NRG3: variants seen among roughly 807,000 people sequenced by gnomAD.
NRG3 encodes the protein pro-neuregulin-3, membrane-bound isoform.
Under a neutral mutation model 66.9 loss-of-function variants are expected in NRG3, and 31 were observed. The observed-to-expected ratio is 0.46, with a 90% confidence interval of 0.35 to 0.63. NRG3 has a LOEUF of 0.63. Among genes scored for constraint, NRG3 ranks in the 20% least tolerant of loss-of-function variants. The pLI, the probability that NRG3 is intolerant of heterozygous loss-of-function variation, is 0.00. For synonymous variants in NRG3, 393 were observed against 359.4 expected (o/e 1.09, Z -1.06); for missense variants, 910 against 878.9 (o/e 1.04, Z -0.45).
Position 82,985,206 on chromosome 10 carries a change from G to A in NRG3, c.1692G>A (p.Val564=). The change falls in exon 9 of 9, where the codon GTG becomes GTA. Residue 564 remains valine (V), a synonymous_variant. Transcript: ENST00000372141. The part of the protein sequence containing the change: ...YFNSLEQKDL[V]GYSSTRASSV... ...ATAGCTTGGAGCAAAAGGACCTGGT[G>A]GGCTATTCATCCACAAGGGCCAGTT... is the stretch of plus-strand genomic sequence containing the variant. 6.2e-7 allele frequency: 1 copy of A among 1,614,126 alleles called. No individual in the cohort carries two copies. The highest frequency in any genetic ancestry group is 2.2e-5 in the East Asian group (1 of 44,872).
At chr10:82,936,693 T>C (rs1393395586) in intron 4 of NRG3, among the ~76,000 whole-genome samples, 3 of 152,182 alleles carry the variant, frequency 2.0e-5, no homozygotes, top group African/African-American at 7.2e-5. Flanking sequence ...GTATATATAC[T>C]TCAAAACATT....
At chr10:82,088,184 A>G (rs1408085426) in intron 1 of NRG3, among the ~76,000 whole-genome samples, 1 of 152,046 alleles carries the variant, frequency 6.6e-6, no homozygotes, top group Non-Finnish European at 1.5e-5. Flanking sequence ...TTTCTTTTAC[A>G]TCTTTTTCTT....
At chr10:82,025,579 T>A (rs773975794) in intron 1 of NRG3, among the ~76,000 whole-genome samples, 14 of 152,094 alleles carry the variant, frequency 9.2e-5, no homozygotes, top group Non-Finnish European at 1.8e-4. Flanking sequence ...CCAGGAAGTT[T>A]GTATTTTCCA....
intron 3 of NRG3, among the ~76,000 whole-genome samples, chr10:82,849,111 C>T (rs766386296): frequency 1.3e-4 from 20 of 152,008 alleles, no homozygotes; most frequent in African/African-American, 3.1e-4. Flanking sequence ...TTAGCATGGG[C>T]GCTAATCGAA....
intron 1 of NRG3, among the ~76,000 whole-genome samples, chr10:82,205,514 T>A (rs1330797315): frequency 6.6e-6 from 1 of 152,052 alleles, no homozygotes; most frequent in African/African-American, 2.4e-5. Context: ...GGTATATGAA[T>A]CAGGACAATA....
At chr10:82,257,973 G>A (rs2077821668) in intron 1 of NRG3, among the ~76,000 whole-genome samples, 1 of 152,116 alleles carries the variant, frequency 6.6e-6, no homozygotes. Context: ...CTTGGTGTCT[G>A]CATCTTGCAT....
chr10:82,333,787 T>A (rs2135303518), intron 1 of NRG3, among the ~76,000 whole-genome samples: 1 of 152,164 alleles, frequency 6.6e-6, no homozygotes, highest in South Asian at 2.1e-4. Context: ...TCTTTTCTCA[T>A]GGAAAAATGT....
chr10:82,521,672 G>A (rs1846204038), intron 2 of NRG3, among the ~76,000 whole-genome samples: 1 of 151,990 alleles, frequency 6.6e-6, no homozygotes, highest in African/African-American at 2.4e-5. Flanking sequence ...AACAATGAAG[G>A]TCGCTACATT....
intron 2 of NRG3, among the ~76,000 whole-genome samples, chr10:82,495,335 T>C (rs914394785): frequency 1.3e-5 from 2 of 152,186 alleles, no homozygotes; most frequent in Non-Finnish European, 2.9e-5. Flanking sequence ...TAATAAGTTA[T>C]GCACTCTAGG....
chr10:82,250,616 A>C (rs1237488608), intron 1 of NRG3, among the ~76,000 whole-genome samples: 2 of 152,182 alleles, frequency 1.3e-5, no homozygotes, highest in East Asian at 3.9e-4. Context: ...CTGCTGAGAT[A>C]TCAAGACCAC....
chr10:82,017,171 G>T (rs2061824833), intron 1 of NRG3, among the ~76,000 whole-genome samples: 1 of 152,132 alleles, frequency 6.6e-6, no homozygotes, highest in African/African-American at 2.4e-5. Flanking sequence ...ACCTGTGAGT[G>T]AGAACACGTG....
intron 1 of NRG3, among the ~76,000 whole-genome samples, chr10:82,206,495 A>G (rs2133567211): frequency 6.6e-6 from 1 of 152,236 alleles, no homozygotes; most frequent in East Asian, 1.9e-4. Flanking sequence ...CCTGGAAGTG[A>G]GCATGTTGCA....
At chr10:81,968,321 A>T (rs929586933) in intron 1 of NRG3, among the ~76,000 whole-genome samples, 5 of 152,188 alleles carry the variant, frequency 3.3e-5, no homozygotes, top group Non-Finnish European at 5.9e-5. Context: ...GTCCTAATCA[A>T]TCACTCTAAG....
At chr10:81,952,645 C>T (rs796943176) in intron 1 of NRG3, among the ~76,000 whole-genome samples, 19 of 152,170 alleles carry the variant, frequency 1.2e-4, no homozygotes, top group African/African-American at 4.3e-4. Flanking sequence ...CTTTTTTCTA[C>T]CTGTGTTGGA....
intron 1 of NRG3, among the ~76,000 whole-genome samples, chr10:81,897,867 ATGTAG>A (rs1843663788): frequency 6.6e-6 from 1 of 152,158 alleles, no homozygotes; most frequent in African/African-American, 2.4e-5. Context: ...ATTCTTGTAG[ATGTAG>A]TGCAGTGGGG....
intron 3 of NRG3, chr10:82,843,183 G>T: frequency 4.6e-6 from 2 of 434,390 alleles, no homozygotes; most frequent in Non-Finnish European, 9.3e-6. Flanking sequence ...TTGAATGTTT[G>T]TCCCCTCCAC....
At position 82,821,959 on chromosome 10, in the gene NRG3, C is replaced by A. The variant is rs192608921; in HGVS notation, c.1028-43452C>A. 2.1e-3 allele frequency among the ~76,000 whole-genome samples: 323 copies of A among 152,258 alleles called. 1 individual carries two copies. The highest frequency in any genetic ancestry group is 5.8e-3 in the Admixed American group (89 of 15,300). ...CCTCCTTCCCTGCTACCCTGCCCCCCACATGCCAGCTGGGCTTGCAAAAGG... is the reference window on the plus strand; with the variant it reads ...CCTCCTTCCCTGCTACCCTGCCCCCAACATGCCAGCTGGGCTTGCAAAAGG... On this transcript the variant is annotated intron_variant, in intron 3 of 8. Transcript: ENST00000372141.
At chr10:82,226,288 T>C (rs2133829488) in intron 1 of NRG3, among the ~76,000 whole-genome samples, 1 of 152,294 alleles carries the variant, frequency 6.6e-6, no homozygotes, top group Non-Finnish European at 1.5e-5. Flanking sequence ...TTCTCAGCTT[T>C]CTTACCACTT....
At chr10:82,434,226 C>A (rs1194595967) in intron 2 of NRG3, among the ~76,000 whole-genome samples, 1 of 152,010 alleles carries the variant, frequency 6.6e-6, no homozygotes, top group Non-Finnish European at 1.5e-5. Flanking sequence ...AATGGGAATT[C>A]ATTCATGATT....
Sources: gnomAD v4.1 joint callset for allele counts (sites outside exome capture counted in the v4.1 genomes callset) on GRCh38, gnomAD v4.1.1 for gene constraint, MANE v1.5 for transcripts, NCBI Gene and HGNC (gene_info 2026-07-23, HGNC 2026-07-21) for gene names.